Variants in LINC00632 observed in about 807,000 individuals in gnomAD.
LINC00632 encodes long independently transcribed non-coding RNA 632, also known as ALDOA related specific transcript.
At chrX:140,788,852 T>G (rs1342814616) in exon 5 of LINC00632, among the ~76,000 whole-genome samples, 5 of 100,583 alleles carry the variant, frequency 5.0e-5, no homozygotes, top group African/African-American at 1.8e-4. Flanking sequence ...TATATGTATA[T>G]TCCATATATG....
At chrX:140,761,932 G>A (rs1051806731) in intron 3 of LINC00632, among the ~76,000 whole-genome samples, 19 of 111,013 alleles carry the variant, frequency 1.7e-4, no homozygotes, top group Non-Finnish European at 3.0e-4. Context: ...AAATTCAGAG[G>A]TGTTAGGTTC....
At chrX:140,724,536 A>AC (rs1930879194) in intron 2 of LINC00632, among the ~76,000 whole-genome samples, 1 of 109,929 alleles carries the variant, frequency 9.1e-6, no homozygotes. Flanking sequence ...CCACACACAC[A>AC]TTCCATACAC....
chrX:140,723,754 A>G (rs201314275), intron 2 of LINC00632, among the ~76,000 whole-genome samples: 4 of 1,336 alleles, frequency 3.0e-3, no homozygotes, highest in African/African-American at 0.01. Flanking sequence ...CATTCCATAC[A>G]CACACATATT....
Position 140,753,591 on chromosome X carries a change from C to T in LINC00632, n.192-18487C>T, listed in dbSNP as rs182581369. 3.0e-4 allele frequency among the ~76,000 whole-genome samples: 33 copies of T among 109,683 alleles called. No homozygotes were observed. The East Asian group carries it at 8.6e-3, about 28-fold the overall frequency. On this transcript the variant is annotated intron_variant and non_coding_transcript_variant, in intron 3 of 4. Coordinates refer to ENST00000648200, the Ensembl canonical transcript of LINC00632. ...CTTCTGAAAATTTTATAAAATATCCCGTTATTTTTTATCTTTATTATATGT... is the reference window on the plus strand; with the variant it reads ...CTTCTGAAAATTTTATAAAATATCCTGTTATTTTTTATCTTTATTATATGT...
chrX:140,759,285 TTTCTTTCCTTCCTTCCTTCC>T lies in LINC00632; in HGVS notation n.192-12789_192-12770del, dbSNP rs1430655773. Among the ~76,000 whole-genome samples, 501 of 93,927 alleles carry T rather than the reference TTTCTTTCCTTCCTTCCTTCC, an allele frequency of 5.3e-3. 5 individuals are homozygous for T. Among genetic ancestry groups the T allele is most frequent in the African/African-American group, 0.019 (450 of 23,980 alleles). The allele number at this position is 93,927 out of a possible 115,157, so 81.6% of individuals were successfully genotyped here. On this transcript the variant is annotated intron_variant and non_coding_transcript_variant, in intron 3 of 4. Coordinates refer to ENST00000648200, the Ensembl canonical transcript of LINC00632. ...CATCACCCCAGGCCTCTTTTCTTTC[TTTCTTTCCTTCCTTCCTTCC>T]TTCCTTCCTTCCTTCCTTCCTTCCT...
At chrX:140,762,026 A>G (rs756951320) in intron 3 of LINC00632, among the ~76,000 whole-genome samples, 1 of 111,999 alleles carries the variant, frequency 8.9e-6, no homozygotes, top group Non-Finnish European at 1.9e-5. Flanking sequence ...CTGCATCTGA[A>G]AAAATATGGC....
At chrX:140,764,419 C>T (rs917857474) in intron 3 of LINC00632, among the ~76,000 whole-genome samples, 6 of 110,493 alleles carry the variant, frequency 5.4e-5, no homozygotes, top group African/African-American at 1.7e-4. Context: ...CCCTGGCATA[C>T]TGCAACTAGG....
intron 1 of LINC00632, among the ~76,000 whole-genome samples, chrX:140,711,211 T>C (rs1315161135): frequency 9.0e-6 from 1 of 111,598 alleles, no homozygotes; most frequent in Non-Finnish European, 1.9e-5. Flanking sequence ...AAAAATATCA[T>C]AGTCATTGTA....
chrX:140,788,811 TA>T (rs1932059861), exon 5 of LINC00632, among the ~76,000 whole-genome samples: 1 of 63,279 alleles, frequency 1.6e-5, no homozygotes, highest in Non-Finnish European at 3.2e-5. Context: ...CACATATATG[TA>T]TCTATATTCC....
exon 5 of LINC00632, chrX:140,782,721 G>T (rs1307459797): frequency 9.0e-6 from 1 of 111,488 alleles, no homozygotes; most frequent in Non-Finnish European, 1.9e-5. Flanking sequence ...CAATGCCCAA[G>T]TCTTTAAATA....
At chrX:140,760,480 G>T (rs1931579586) in intron 3 of LINC00632, among the ~76,000 whole-genome samples, 1 of 111,555 alleles carries the variant, frequency 9.0e-6, no homozygotes. Flanking sequence ...AGAAGAAATA[G>T]CTTGAATAGG....
Position 140,749,112 on chromosome X carries a change from A to G in LINC00632, n.191+15148A>G, listed in dbSNP as rs1931373562. Among the ~76,000 whole-genome samples the G allele has an allele frequency of 2.7e-5, 3 of 109,927 alleles. No homozygotes were observed. In the South Asian group the frequency reaches 1.1e-3, roughly 42 times the overall value. On this transcript the variant is annotated intron_variant and non_coding_transcript_variant, in intron 3 of 4. Coordinates refer to ENST00000648200, the Ensembl canonical transcript of LINC00632. ...AAAATTTGCAGACATGTTTTGATGT[A>G]CTTTATGAAGATAAGAGTAATTCAG...
intron 2 of LINC00632, among the ~76,000 whole-genome samples, chrX:140,718,270 A>G (rs1161057591): frequency 9.0e-6 from 1 of 111,681 alleles, no homozygotes; most frequent in African/African-American, 3.3e-5. Flanking sequence ...AAATTGGACC[A>G]TAAAGGTAAG....
intron 3 of LINC00632, among the ~76,000 whole-genome samples, chrX:140,742,545 T>C (rs944881534): frequency 1.8e-5 from 2 of 111,153 alleles, no homozygotes; most frequent in African/African-American, 6.6e-5. Flanking sequence ...TAGACAACTT[T>C]TTAACTTTCC....
At chrX:140,768,650 TTA>T (rs1491381733) in intron 3 of LINC00632, among the ~76,000 whole-genome samples, 2 of 32,911 alleles carry the variant, frequency 6.1e-5, no homozygotes, top group African/African-American at 1.2e-4. Context: ...AATATATTTA[TTA>T]TATATAATAA....
chrX:140,717,197 G>A (rs1930647569), intron 2 of LINC00632, among the ~76,000 whole-genome samples: 1 of 110,353 alleles, frequency 9.1e-6, no homozygotes, highest in Non-Finnish European at 1.9e-5. Context: ...TGGCCAGGAT[G>A]GTCTTGATCT....
At chrX:140,771,630 C>G (rs1349845806) in intron 3 of LINC00632, among the ~76,000 whole-genome samples, 1 of 93,573 alleles carries the variant, frequency 1.1e-5, no homozygotes, top group Non-Finnish European at 2.1e-5. Flanking sequence ...CACACACACA[C>G]ACACACACAC....
exon 5 of LINC00632, among the ~76,000 whole-genome samples, chrX:140,787,071 T>A (rs1054864940): frequency 9.0e-6 from 1 of 111,713 alleles, no homozygotes; most frequent in African/African-American, 3.2e-5. Context: ...TATTTTCTAT[T>A]CAGGAAAAAT....
intron 2 of LINC00632, among the ~76,000 whole-genome samples, chrX:140,718,407 C>G (rs1349570957): frequency 9.8e-6 from 1 of 102,042 alleles, no homozygotes; most frequent in Non-Finnish European, 1.9e-5. Flanking sequence ...TTGACTGCAC[C>G]TATTCTTTTT....
Sources: gnomAD v4.1 joint callset for allele counts (sites outside exome capture counted in the v4.1 genomes callset) on GRCh38, gnomAD v4.1.1 for gene constraint, MANE v1.5 for transcripts, NCBI Gene and HGNC (gene_info 2026-07-23, HGNC 2026-07-21) for gene names.